Variants in SRGAP2 observed in about 807,000 individuals in gnomAD.
SRGAP2 encodes the protein SLIT-ROBO Rho GTPase-activating protein 2.
Under a neutral mutation model 57.2 loss-of-function variants are expected in SRGAP2, and 15 were observed. The observed-to-expected ratio is 0.26, with a 90% CI of 0.18 to 0.40. The LOEUF (loss-of-function observed/expected upper bound fraction) is 0.40. SRGAP2 is among the 10% of genes least tolerant of loss of function. The pLI, the probability that SRGAP2 is intolerant of heterozygous loss-of-function variation, is 1.00. For synonymous variants in SRGAP2, 249 were observed against 248.0 expected (o/e 1.00, Z -0.04); for missense variants, 520 against 669.6 (o/e 0.78, Z 2.47).
chr1:206,420,924 A>G (rs1256144618), intron 12 of SRGAP2, among the ~76,000 whole-genome samples: 1 of 152,208 alleles, frequency 6.6e-6, no homozygotes, highest in African/African-American at 2.4e-5. Context: ...TAGCCCAAAA[A>G]TATTTTACTA....
At chr1:206,448,983 A>T (rs1224215100) in intron 18 of SRGAP2, among the ~76,000 whole-genome samples, 1 of 152,198 alleles carries the variant, frequency 6.6e-6, no homozygotes, top group Non-Finnish European at 1.5e-5. Flanking sequence ...GGAACTTCCC[A>T]GGAGTGTAGG....
chr1:206,301,279 C>T (rs1384704094), intron 2 of SRGAP2, among the ~76,000 whole-genome samples: 1 of 152,084 alleles, frequency 6.6e-6, no homozygotes, highest in African/African-American at 2.4e-5. Context: ...TTGTGATCCG[C>T]CCGCCTCGGC....
chr1:206,291,863 T>C (rs1671344510), intron 2 of SRGAP2, among the ~76,000 whole-genome samples: 1 of 149,244 alleles, frequency 6.7e-6, no homozygotes, highest in East Asian at 1.9e-4. Flanking sequence ...TTATCTATTC[T>C]GAAGGATCTG....
chr1:206,209,942 G>GTT (rs568285334), intron 2 of SRGAP2, among the ~76,000 whole-genome samples: 3 of 107,604 alleles, frequency 2.8e-5, no homozygotes, highest in Non-Finnish European at 3.6e-5. Flanking sequence ...TATTTTTATT[G>GTT]TTTTTTTTTT....
At chr1:206,240,495 C>T (rs1415609179) in intron 2 of SRGAP2, among the ~76,000 whole-genome samples, 2 of 152,102 alleles carry the variant, frequency 1.3e-5, no homozygotes, top group Non-Finnish European at 1.5e-5. Flanking sequence ...TAGCCATGCA[C>T]GCATGCAAGC....
intron 21 of SRGAP2, among the ~76,000 whole-genome samples, chr1:206,456,776 C>T (rs1553378627): frequency 6.6e-6 from 1 of 151,924 alleles, no homozygotes; most frequent in African/African-American, 2.4e-5. Context: ...AGAAGTGAGT[C>T]GGCCTTTGAG....
intron 3 of SRGAP2, among the ~76,000 whole-genome samples, chr1:206,332,494 G>A (rs1253648091): frequency 6.6e-6 from 1 of 151,040 alleles, no homozygotes; most frequent in African/African-American, 2.5e-5. Context: ...ATTTCTTGGA[G>A]GCTTTGCTCA....
At position 206,436,957 on chromosome 1, in the gene SRGAP2, A is replaced by G. The variant is rs1661815910; in HGVS notation, c.1556-8A>G. The G allele has an allele frequency of 1.3e-6, 1 of 780,528 alleles. No homozygotes were observed. The highest frequency in any genetic ancestry group is 1.3e-5 in the South Asian group (1 of 74,626). The allele number at this position is 780,528 out of a possible 1,614,324, so 48.4% of individuals were successfully genotyped here. On this transcript the variant is annotated splice_region_variant and splice_polypyrimidine_tract_variant and intron_variant, in intron 14 of 22. Coordinates refer to ENST00000573034, the MANE Select transcript of SRGAP2 (RefSeq NM_015326.5). ...CTTCTTCTTGATCACTTTTCTGTGT[A>G]TTTCCAGGACTACAGCATGAAGGAA...
At chr1:206,210,454 G>T in intron 2 of SRGAP2, among the ~76,000 whole-genome samples, 1 of 104,872 alleles carries the variant, frequency 9.5e-6, no homozygotes, top group African/African-American at 4.0e-5. Flanking sequence ...AACAGTGTGT[G>T]TGCACCACAG....
intron 3 of SRGAP2, among the ~76,000 whole-genome samples, chr1:206,319,844 T>C (rs1247483526): frequency 1.4e-5 from 2 of 146,716 alleles, no homozygotes; most frequent in African/African-American, 5.5e-5. Flanking sequence ...TCTCTCACTC[T>C]GTTGCCCAGG....
At chr1:206,428,063 C>G (rs2103277232) in intron 13 of SRGAP2, among the ~76,000 whole-genome samples, 1 of 152,272 alleles carries the variant, frequency 6.6e-6, no homozygotes, top group East Asian at 1.9e-4. Context: ...GATCGCACCA[C>G]TGCACTCCAG....
chr1:206,388,231 A>C (rs77850769), intron 5 of SRGAP2, among the ~76,000 whole-genome samples: 14,345 of 152,096 alleles, frequency 0.094, 1,456 homozygotes, highest in African/African-American at 0.25. Context: ...TACTCCCCCT[A>C]AATTTACATC....
rs1185392172 is a variant in SRGAP2 at position 206,372,964 on chromosome 1, C to T, written c.424-11050C>T. On this transcript the variant is annotated intron_variant, in intron 4 of 22. Coordinates refer to ENST00000573034, the MANE Select transcript of SRGAP2 (RefSeq NM_015326.5). ...CTTTCTTTCTTTCTTTCTTTTCTTT[C>T]CTTTCTTTCTTTCTTTCTTTCTTTC... Among the ~76,000 whole-genome samples, 109 of 22,848 alleles carry T rather than the reference C, an allele frequency of 4.8e-3. 1 individual carries two copies. The highest frequency in any genetic ancestry group is 6.3e-3 in the Non-Finnish European group (80 of 12,748). The allele number at this position is 22,848 out of a possible 152,430, so 15.0% of individuals were successfully genotyped here.
intron 17 of SRGAP2, among the ~76,000 whole-genome samples, chr1:206,442,380 A>G (rs1261437441): frequency 2.6e-5 from 4 of 152,224 alleles, no homozygotes; most frequent in Non-Finnish European, 5.9e-5. Context: ...CTTCAGGGCT[A>G]CCAGTCATTG....
chr1:206,247,545 T>TA (rs1212750917), intron 2 of SRGAP2, among the ~76,000 whole-genome samples: 2 of 152,148 alleles, frequency 1.3e-5, no homozygotes, highest in Non-Finnish European at 2.9e-5. Flanking sequence ...CTCAGCCTCA[T>TA]AACATCCCTG....
chr1:206,276,522 T>C (rs1215662475), intron 2 of SRGAP2, among the ~76,000 whole-genome samples: 1 of 147,354 alleles, frequency 6.8e-6, no homozygotes, highest in Non-Finnish European at 1.5e-5. Flanking sequence ...GTGAAGAAAA[T>C]TGCCTGGGTT....
intron 10 of SRGAP2, among the ~76,000 whole-genome samples, chr1:206,410,959 C>T (rs782248883): frequency 6.6e-6 from 1 of 152,254 alleles, no homozygotes; most frequent in Non-Finnish European, 1.5e-5. Context: ...CTCTCAGGTT[C>T]AAGCAGTTCT....
chr1:206,383,170 G>A (rs1184321749), intron 4 of SRGAP2, among the ~76,000 whole-genome samples: 6 of 145,562 alleles, frequency 4.1e-5, no homozygotes, highest in African/African-American at 5.3e-5. Flanking sequence ...GACTACAGGC[G>A]TGTGCCATCA....
intron 2 of SRGAP2, among the ~76,000 whole-genome samples, chr1:206,228,817 T>G (rs1340804169): frequency 2.5e-4 from 35 of 141,896 alleles, no homozygotes; most frequent in African/African-American, 1.0e-3. Context: ...GGTAATTCCA[T>G]CAGCGCTTTA....
Sources: allele counts gnomAD v4.1 joint callset (sites outside exome capture counted in the v4.1 genomes callset), GRCh38; gene constraint gnomAD v4.1.1; transcripts MANE v1.5; gene names NCBI Gene and HGNC (gene_info 2026-07-23, HGNC 2026-07-21).